The following LRP1B variants were observed in gnomAD, a reference collection of about 807,000 sequenced individuals.
LRP1B encodes the protein low-density lipoprotein receptor-related protein 1B.
Under a neutral mutation model 556.6 loss-of-function variants are expected in LRP1B, and 217 were observed. That is an observed-to-expected ratio of 0.39 (90% CI 0.35 to 0.44). The LOEUF (loss-of-function observed/expected upper bound fraction) is 0.44. LRP1B is among the 20% of genes least tolerant of loss of function. The pLI, the probability that LRP1B is intolerant of heterozygous loss-of-function variation, is 1.00. For synonymous variants in LRP1B, 2,047 were observed against 1,865.8 expected (o/e 1.10, Z -2.50); for missense variants, 5,053 against 5,620.8 (o/e 0.90, Z 3.23).
intron 1 of LRP1B, among the ~76,000 whole-genome samples, chr2:142,127,376 A>ATCCG (rs1285907481): frequency 1.0e-4 from 15 of 150,610 alleles, no homozygotes; most frequent in African/African-American, 3.5e-4. Context: ...GAATCCATCC[A>ATCCG]TCCATCCATC....
intron 37 of LRP1B, among the ~76,000 whole-genome samples, chr2:140,708,252 A>AT (rs902710788): frequency 4.7e-5 from 7 of 149,836 alleles, no homozygotes; most frequent in Middle Eastern, 3.5e-3. Context: ...CAACTTCAGA[A>AT]TTTTTTTTTT....
intron 3 of LRP1B, among the ~76,000 whole-genome samples, chr2:141,362,186 T>TA (rs1240749443): frequency 2.0e-5 from 3 of 152,252 alleles, no homozygotes; most frequent in East Asian, 3.8e-4. Flanking sequence ...GACACTGTGC[T>TA]ACCACTTCTC....
rs1443148213 is a variant in LRP1B at position 141,638,999 on chromosome 2, T to A, written c.206-158466A>T. ...CCTTAGAGTCTCAAAAAAAAATATA[T>A]ATATATATATATTGCCTAGCCTCTG... On this transcript the variant is annotated intron_variant, in intron 2 of 90. Transcript: ENST00000389484. Among the ~76,000 whole-genome samples, 36 of 81,864 alleles carry A rather than the reference T, an allele frequency of 4.4e-4. 6 individuals carry two copies. Among genetic ancestry groups the A allele is most frequent in the East Asian group, 1.5e-3 (5 of 3,364 alleles). 53.7% of individuals were successfully genotyped at this position (81,864 alleles called of 152,430 possible).
intron 46 of LRP1B, among the ~76,000 whole-genome samples, chr2:140,534,547 A>G (rs567355706): frequency 6.6e-6 from 1 of 152,292 alleles, no homozygotes; most frequent in African/African-American, 2.4e-5. Flanking sequence ...ATTTTATAAT[A>G]AGGAAATAAA....
At chr2:141,492,079 G>GAAAAAAAAAAAAAAAAAAAAAA (rs1553521014) in intron 2 of LRP1B, among the ~76,000 whole-genome samples, 1 of 8,064 alleles carries the variant, frequency 1.2e-4, no homozygotes, top group Non-Finnish European at 3.2e-4. Context: ...TTAGCTTTCT[G>GAAAAAAAAAAAAAAAAAAAAAA]AAAAAAAAAA....
At chr2:140,436,013 A>G (rs562505372) in intron 66 of LRP1B, among the ~76,000 whole-genome samples, 1 of 152,152 alleles carries the variant, frequency 6.6e-6, no homozygotes, top group African/African-American at 2.4e-5. Context: ...ACCCAAATAT[A>G]CACACATAAA....
intron 1 of LRP1B, among the ~76,000 whole-genome samples, chr2:141,894,119 T>A (rs957746282): frequency 1.1e-4 from 16 of 152,146 alleles, no homozygotes; most frequent in African/African-American, 3.9e-4. Context: ...CCTTTACAAA[T>A]TATGTTGGCT....
At position 141,687,800 on chromosome 2, in the gene LRP1B, T is replaced by C. The variant is rs533083000; in HGVS notation, c.205+122479A>G. On this transcript the variant is annotated intron_variant, in intron 2 of 90. Coordinates refer to ENST00000389484, the MANE Select transcript of LRP1B (RefSeq NM_018557.3). ...ATCAATTCTACCAATTAAACTTCCA[T>C]AGTAAGTCCTCTGGTTGAGAACTGA... 9.2e-5 allele frequency among the ~76,000 whole-genome samples: 14 copies of C among 152,086 alleles called. No homozygotes were observed. In the South Asian group the frequency reaches 1.2e-3, roughly 14 times the overall value.
At chr2:141,992,306 G>A (rs756659092) in intron 1 of LRP1B, among the ~76,000 whole-genome samples, 2 of 152,080 alleles carry the variant, frequency 1.3e-5, no homozygotes, top group South Asian at 2.1e-4. Flanking sequence ...TTTTGAATGG[G>A]ACCATGGACT....
chr2:141,085,150 G>T, intron 7 of LRP1B, among the ~76,000 whole-genome samples: 1 of 114,238 alleles, frequency 8.8e-6, no homozygotes, highest in South Asian at 3.2e-4. Context: ...ATGGGGTGGG[G>T]GAAGGGAGAA....
intron 71 of LRP1B, among the ~76,000 whole-genome samples, chr2:140,370,108 A>G (rs1430582732): frequency 6.6e-6 from 1 of 152,024 alleles, no homozygotes; most frequent in African/African-American, 2.4e-5. Context: ...GTTTAAAACT[A>G]AAATGTTGTT....
At chr2:142,003,916 T>C (rs1028722723) in intron 1 of LRP1B, among the ~76,000 whole-genome samples, 5 of 152,220 alleles carry the variant, frequency 3.3e-5, no homozygotes, top group African/African-American at 1.2e-4. Flanking sequence ...CCTTCACTTT[T>C]GTGGAGCTTA....
At chr2:141,788,894 T>G (rs971918613) in intron 2 of LRP1B, among the ~76,000 whole-genome samples, 1 of 152,128 alleles carries the variant, frequency 6.6e-6, no homozygotes, top group African/African-American at 2.4e-5. Context: ...CTGCATAGTA[T>G]TCCATGGTGT....
At chr2:140,493,436 T>C (rs1325381381) in intron 56 of LRP1B, among the ~76,000 whole-genome samples, 1 of 152,182 alleles carries the variant, frequency 6.6e-6, no homozygotes, top group African/African-American at 2.4e-5. Flanking sequence ...ACAAAACGAT[T>C]TCTTGAAGGA....
At chr2:140,322,213 C>CATCAGTGGAAAT in intron 81 of LRP1B, 125 bp from the exon 82 acceptor site, 11 of 915,518 alleles carry the variant, frequency 1.2e-5, no homozygotes, top group Middle Eastern at 3.2e-4. Context: ...TAAATTTCCA[C>CATCAGTGGAAAT]TGATGTGGAG....
chr2:141,432,046 A>G (rs1017319404), intron 3 of LRP1B, among the ~76,000 whole-genome samples: 1 of 152,120 alleles, frequency 6.6e-6, no homozygotes. Context: ...TCCTGATTTT[A>G]GGGGAAAAGC....
At position 140,938,364 on chromosome 2, in the gene LRP1B, AAGAC is replaced by A. The variant is rs566174889; in HGVS notation, c.3136+11867_3136+11870del. Among the ~76,000 whole-genome samples, 324 of 152,226 alleles carry A rather than the reference AAGAC, an allele frequency of 2.1e-3. 1 individual carries two copies. The highest frequency in any genetic ancestry group is 7.2e-3 in the African/African-American group (298 of 41,554). ...AAAGTAAAAGAGAATAAAAACAAAA[AAGAC>A]AGAGACAGACAGACTTATTGTAACT... On this transcript the variant is annotated intron_variant, in intron 20 of 90. Transcript: ENST00000389484.
chr2:140,534,917 G>A (rs1358585175), intron 46 of LRP1B, among the ~76,000 whole-genome samples: 1 of 152,106 alleles, frequency 6.6e-6, no homozygotes, highest in Non-Finnish European at 1.5e-5. Context: ...TCACACTAGG[G>A]TTTGCAAACT....
intron 1 of LRP1B, among the ~76,000 whole-genome samples, chr2:142,086,567 G>A (rs369548500): frequency 6.6e-6 from 1 of 151,356 alleles, no homozygotes; most frequent in East Asian, 1.9e-4. Flanking sequence ...GGCCTAAGTC[G>A]CACCACTGCT....
Sources: allele counts gnomAD v4.1 joint callset (sites outside exome capture counted in the v4.1 genomes callset), GRCh38; gene constraint gnomAD v4.1.1; transcripts MANE v1.5; gene names NCBI Gene and HGNC (gene_info 2026-07-23, HGNC 2026-07-21).